Variants in GPM6A observed in about 807,000 individuals in gnomAD.
The protein encoded by GPM6A is neuronal membrane glycoprotein M6-a.
A neutral mutation model predicts 32.1 loss-of-function variants in GPM6A; 7 were observed. The observed-to-expected ratio is 0.22, with a 90% CI of 0.12 to 0.41. The LOEUF (loss-of-function observed/expected upper bound fraction) is 0.41. Ranked by LOEUF, GPM6A falls within the 10% of genes least tolerant of loss-of-function variation. The pLI, the probability that GPM6A is intolerant of heterozygous loss-of-function variation, is 1.00. For synonymous variants in GPM6A, 130 were observed against 123.4 expected (o/e 1.05, Z -0.35); for missense variants, 235 against 347.2 (o/e 0.68, Z 2.57).
intron 3 of GPM6A, among the ~76,000 whole-genome samples, chr4:175,655,655 C>G (rs989537690): frequency 1.3e-5 from 2 of 151,878 alleles, no homozygotes; most frequent in African/African-American, 4.8e-5. Flanking sequence ...TTTGATTCAA[C>G]TCTTTCTGAA....
intron 1 of GPM6A, among the ~76,000 whole-genome samples, chr4:175,940,795 G>T (rs1377197180): frequency 6.6e-6 from 1 of 152,186 alleles, no homozygotes; most frequent in Non-Finnish European, 1.5e-5. Context: ...TCTTAGTAGA[G>T]ACAGGGTTTG....
chr4:175,857,749 A>C (rs75633834), intron 1 of GPM6A, among the ~76,000 whole-genome samples: 3,782 of 152,176 alleles, frequency 0.025, 142 homozygotes, highest in African/African-American at 0.084. Flanking sequence ...AGAAAAAAAA[A>C]GCTAAATCTA....
At chr4:175,774,967 A>G (rs900448274) in intron 1 of GPM6A, among the ~76,000 whole-genome samples, 3 of 152,110 alleles carry the variant, frequency 2.0e-5, no homozygotes, top group African/African-American at 7.2e-5. Context: ...GACGATCCCA[A>G]AATTTTGACC....
intron 1 of GPM6A, among the ~76,000 whole-genome samples, chr4:175,865,185 G>T (rs746494181): frequency 2.6e-5 from 4 of 152,162 alleles, no homozygotes; most frequent in Non-Finnish European, 5.9e-5. Flanking sequence ...TAGCACAATT[G>T]TTAAAAAGAT....
intron 1 of GPM6A, among the ~76,000 whole-genome samples, chr4:175,966,115 T>C (rs142221038): frequency 6.6e-6 from 1 of 152,252 alleles, no homozygotes; most frequent in African/African-American, 2.4e-5. Flanking sequence ...CCTTAAAATT[T>C]ATATTTTCAG....
intron 1 of GPM6A, among the ~76,000 whole-genome samples, chr4:175,871,402 G>A (rs1329522641): frequency 2.0e-5 from 3 of 152,110 alleles, no homozygotes; most frequent in Non-Finnish European, 2.9e-5. Context: ...CCCAGGAAGC[G>A]GAGGTTGCAG....
At chr4:175,972,419 C>G (rs1740531538) in intron 1 of GPM6A, among the ~76,000 whole-genome samples, 1 of 152,146 alleles carries the variant, frequency 6.6e-6, no homozygotes, top group African/African-American at 2.4e-5. Flanking sequence ...CAATCCTGAA[C>G]ACGGTATTTT....
intron 1 of GPM6A, among the ~76,000 whole-genome samples, chr4:175,892,073 T>G (rs1367085247): frequency 6.6e-6 from 1 of 152,208 alleles, no homozygotes; most frequent in Non-Finnish European, 1.5e-5. Context: ...ACTTTAAAAC[T>G]ACTATCAAGC....
chr4:175,731,503 G>A (rs1005762470), intron 1 of GPM6A, among the ~76,000 whole-genome samples: 7 of 151,730 alleles, frequency 4.6e-5, no homozygotes, highest in South Asian at 2.1e-4. Flanking sequence ...AGGGTAAGGC[G>A]CAGCAGGTTT....
chr4:175,690,505 T>G (rs561488397), intron 2 of GPM6A, among the ~76,000 whole-genome samples: 37 of 152,332 alleles, frequency 2.4e-4, no homozygotes, highest in African/African-American at 8.7e-4. Flanking sequence ...CATCAAGGTA[T>G]TGGCAGAGCC....
At chr4:175,752,608 T>C (rs1732379912) in intron 1 of GPM6A, among the ~76,000 whole-genome samples, 1 of 152,144 alleles carries the variant, frequency 6.6e-6, no homozygotes, top group Non-Finnish European at 1.5e-5. Flanking sequence ...AGTTTGAAGG[T>C]TGGTTTCAAG....
At chr4:175,797,258 A>G (rs970452995) in intron 1 of GPM6A, among the ~76,000 whole-genome samples, 1 of 152,180 alleles carries the variant, frequency 6.6e-6, no homozygotes, top group African/African-American at 2.4e-5. Flanking sequence ...AAGATGCTCT[A>G]TGATCTTATT....
intron 1 of GPM6A, among the ~76,000 whole-genome samples, chr4:175,795,665 C>T (rs998886722): frequency 6.6e-6 from 1 of 152,022 alleles, no homozygotes; most frequent in Non-Finnish European, 1.5e-5. Context: ...GTGGGAGGAT[C>T]ACTTGAGCCC....
At chr4:175,827,628 T>G (rs1560954016) in intron 1 of GPM6A, among the ~76,000 whole-genome samples, 1 of 152,192 alleles carries the variant, frequency 6.6e-6, no homozygotes, top group Non-Finnish European at 1.5e-5. Flanking sequence ...GGATTATTTC[T>G]CATTGCGCAC....
chr4:175,789,364 A>G (rs951761389), intron 1 of GPM6A, among the ~76,000 whole-genome samples: 5 of 152,338 alleles, frequency 3.3e-5, no homozygotes, highest in South Asian at 4.1e-4. Flanking sequence ...AATAAAATTA[A>G]AACATGTCCC....
chr4:175,708,443 T>C (rs1489523942), intron 1 of GPM6A, among the ~76,000 whole-genome samples: 2 of 151,994 alleles, frequency 1.3e-5, no homozygotes, highest in East Asian at 3.9e-4. Flanking sequence ...TGGAGTGCAA[T>C]GACGCAATCT....
In GPM6A at chr4:175,707,059, C is replaced by T. The variant is rs950114942; in HGVS notation, c.38-5292G>A. 9.2e-5 allele frequency among the ~76,000 whole-genome samples: 14 copies of T among 152,336 alleles called. No individual in the cohort carries two copies. The East Asian group carries it at 9.7e-4, about 11-fold the overall frequency. ...CATCAGTTCCAAAAATTGCTCCCCC[C>T]TTTCCCCAAAAACTCATGAATTATC... is the stretch of plus-strand genomic sequence containing the variant. On this transcript the variant is annotated intron_variant, in intron 1 of 6. Transcript: ENST00000393658.
At chr4:175,944,530 C>A (rs1428413512) in intron 1 of GPM6A, among the ~76,000 whole-genome samples, 1 of 152,140 alleles carries the variant, frequency 6.6e-6, no homozygotes, top group Non-Finnish European at 1.5e-5. Context: ...ATTCCTTGAA[C>A]ATATACACAC....
At chr4:175,756,029 G>T (rs984976227) in intron 1 of GPM6A, among the ~76,000 whole-genome samples, 1 of 152,094 alleles carries the variant, frequency 6.6e-6, no homozygotes, top group African/African-American at 2.4e-5. Context: ...AAGAAGAGGA[G>T]GAGAGAAGAT....
Sources: gnomAD v4.1 joint callset for allele counts (sites outside exome capture counted in the v4.1 genomes callset) on GRCh38, gnomAD v4.1.1 for gene constraint, MANE v1.5 for transcripts, NCBI Gene and HGNC (gene_info 2026-07-23, HGNC 2026-07-21) for gene names.